ZC3H4: variants seen among roughly 807,000 people sequenced by gnomAD.
The protein encoded by ZC3H4 is zinc finger CCCH domain-containing protein 4.
A neutral mutation model predicts 108.3 loss-of-function variants in ZC3H4; 13 were observed. That is an observed-to-expected ratio of 0.12 (90% CI 0.08 to 0.19). The LOEUF (loss-of-function observed/expected upper bound fraction) is 0.19. ZC3H4 is among the 10% of genes least tolerant of loss of function. The pLI is 1.00. For missense variants in ZC3H4, 1,734 were observed against 1,838.8 expected (o/e 0.94, Z 1.04); for synonymous variants, 917 against 749.6 (o/e 1.22, Z -3.65).
chr19:47,086,611 T>C (rs979263197), intron 5 of ZC3H4, 73 bp from the exon 6 acceptor site: 3 of 1,489,626 alleles, frequency 2.0e-6, no homozygotes, highest in Non-Finnish European at 2.7e-6. Context: ...CAACCCACAT[T>C]TTGCTCCTGA....
rs893858343 is a variant in ZC3H4 at position 47,078,536 on chromosome 19, A to G, written c.1440+2977T>C. On this transcript the variant is annotated intron_variant, in intron 11 of 14. Coordinates refer to ENST00000253048, the MANE Select transcript of ZC3H4 (RefSeq NM_015168.2). ...ATTGGTGCACACCTGTAACCCCAGCACTTTGGGAGGCCGGGGCGGGTGGAT... is the reference window on the plus strand; with the variant it reads ...ATTGGTGCACACCTGTAACCCCAGCGCTTTGGGAGGCCGGGGCGGGTGGAT... 1.6e-4 allele frequency among the ~76,000 whole-genome samples: 25 copies of G among 152,012 alleles called. No individual in the cohort carries two copies. In the East Asian group the frequency reaches 3.7e-3, roughly 22 times the overall value.
At chr19:47,076,699 CAAAA>C (rs913648069) in intron 11 of ZC3H4, among the ~76,000 whole-genome samples, 12 of 151,410 alleles carry the variant, frequency 7.9e-5, no homozygotes, top group African/African-American at 2.9e-4. Context: ...ACTAAAAATA[CAAAA>C]ATATTAGCTG....
At position 47,094,393 on chromosome 19, in the gene ZC3H4, T is replaced by G; in HGVS notation, c.377A>C (p.His126Pro). The G allele has an allele frequency of 1.9e-6, 3 of 1,614,050 alleles. No individual in the cohort carries two copies. The highest frequency in any genetic ancestry group is 2.5e-6 in the Non-Finnish European group (3 of 1,180,022). ...CCCAGGGGATCTCCGACCTACTTTG[T>G]GCTTGGATTTCCTCCTCTTCTTCGA... The part of the protein sequence containing the change: ...RRSKKRRKSK[H>P]KRHASSSDDF... The change falls in exon 3 of 15, where the codon CAC (histidine) becomes CCC (proline). Residue 126 changes from histidine (H) to proline (P), a missense_variant. His to Pro is a moderately conservative substitution (Grantham distance 77). Coordinates refer to ENST00000253048, the MANE Select transcript of ZC3H4 (RefSeq NM_015168.2).
In ZC3H4 at chr19:47,064,271, G is replaced by A. The variant is rs1251398465; in HGVS notation, c.*2085C>T. ...AGGAGAAAGGCAGGTGACGTTTCTG[G>A]AAGACAGATATGGAGTATAAAAAGG... On this transcript the variant is annotated 3_prime_UTR_variant, in exon 15 of 15. Coordinates refer to ENST00000253048, the MANE Select transcript of ZC3H4 (RefSeq NM_015168.2). 6.6e-6 allele frequency: 1 copy of A among 152,576 alleles called. No homozygotes were observed. The allele number at this position is 152,576 out of a possible 1,614,324, so 9.5% of individuals were successfully genotyped here.
chr19:47,109,279 TTG>T (rs2058006265), intron 2 of ZC3H4, among the ~76,000 whole-genome samples: 1 of 152,202 alleles, frequency 6.6e-6, no homozygotes, highest in Admixed American at 6.5e-5. Context: ...CAATAAACCG[TTG>T]TGTTGACATG....
rs545526459 is a variant in ZC3H4 at position 47,104,995 on chromosome 19, AG to A, written c.161+7428del. ...TGAATGAAAATCCCTTCCATTTAAG[AG>A]GGTTTAAAAGCCTAGGCTTGGGCCT... On this transcript the variant is annotated intron_variant, in intron 2 of 14. Coordinates refer to ENST00000253048, the MANE Select transcript of ZC3H4 (RefSeq NM_015168.2). Among the ~76,000 whole-genome samples, 67 of 151,980 alleles carry A rather than the reference AG, an allele frequency of 4.4e-4. 1 individual carries two copies. Among genetic ancestry groups the A allele is most frequent in the Non-Finnish European group, 8.2e-4 (56 of 67,998 alleles).
At position 47,093,958 on chromosome 19, in the gene ZC3H4, CCAGT is replaced by C; in HGVS notation, c.492+8_492+11del. The C allele has an allele frequency of 1.2e-6, 2 of 1,609,732 alleles. No homozygotes were observed. The highest frequency in any genetic ancestry group is 2.7e-5 in the African/African-American group (2 of 74,976). On this transcript the variant is annotated splice_region_variant and intron_variant, in intron 4 of 14. Transcript: ENST00000253048. ...CGGCCCCAGAGCTCAGCAGTGCATG[CCAGT>C]CACTCACCGGCGCATATGGGGGGCT...
At position 47,090,028 on chromosome 19, in the gene ZC3H4, G is replaced by A. The variant is rs573030289; in HGVS notation, c.654C>T (p.Asp218=). ...EEEDMGKEDY[D]DFTKELNQYR... Reference sequence around the variant, plus strand: ...ACTGGTTCAGCTCTTTGGTGAAGTCGTCATAGTCCTCCTTGCCCATGTCCT... The same window carrying A: ...ACTGGTTCAGCTCTTTGGTGAAGTCATCATAGTCCTCCTTGCCCATGTCCT... Residue 218 remains aspartate, a synonymous_variant, in exon 5 of 15, where the codon GAC becomes GAT. Transcript: ENST00000253048. 7.7e-5 allele frequency: 125 copies of A among 1,614,188 alleles called. No individual in the cohort carries two copies. The South Asian group carries it at 1.1e-3, about 14-fold the overall frequency.
At chr19:47,103,780 A>C (rs1329762342) in intron 2 of ZC3H4, among the ~76,000 whole-genome samples, 2 of 151,084 alleles carry the variant, frequency 1.3e-5, no homozygotes, top group East Asian at 1.9e-4. Flanking sequence ...AAAAAAAAAA[A>C]AAACTACAAA....
rs142251542 is a variant in ZC3H4, at chr19:47,098,486, C to CAA, written c.162-3880_162-3879dup. Among the ~76,000 whole-genome samples, 773 of 100,006 alleles carry CAA rather than the reference C, an allele frequency of 7.7e-3. 8 individuals carry two copies. Among genetic ancestry groups the CAA allele is most frequent in the East Asian group, 0.015 (46 of 3,060 alleles). The allele number at this position is 100,006 out of a possible 152,430, so 65.6% of individuals were successfully genotyped here. A position where few individuals can be genotyped will look rare whatever the true frequency, so the allele number is the denominator to read the frequency against. The stretch of plus-strand genomic sequence containing the variant: ...TGCGAGACAGAGTGAAACTGTGTCT[C>CAA]AAAAAAAAAAAAAAAAAAACTAATC... On this transcript the variant is annotated intron_variant, in intron 2 of 14. Transcript: ENST00000253048.
intron 7 of ZC3H4, 45 bp downstream of exon 7, chr19:47,085,273 G>C: frequency 6.4e-7 from 1 of 1,565,670 alleles, no homozygotes; most frequent in East Asian, 2.3e-5. Context: ...GCAGCTGCTG[G>C]AATCCCTGCC....
At chr19:47,090,499 G>T (rs1364153809) in intron 4 of ZC3H4, among the ~76,000 whole-genome samples, 2 of 152,160 alleles carry the variant, frequency 1.3e-5, no homozygotes, top group Non-Finnish European at 2.9e-5. Context: ...CAGAGCAAGC[G>T]CACGTGGAGG....
At position 47,066,803 on chromosome 19, in the gene ZC3H4, G is replaced by A. The variant is rs375922525; in HGVS notation, c.3465C>T (p.Asn1155=). ...CCGGCTCTGTGGCTTTGCCCCCCGC[G>A]TTGGGAGTCCTCGGGTCGTAGAGGC... ...GISLYDPRTP[N]AGGKATEPAA... Residue 1155 remains asparagine (N), a synonymous_variant, in exon 15 of 15, where the codon AAC becomes AAT. Coordinates refer to ENST00000253048, the MANE Select transcript of ZC3H4 (RefSeq NM_015168.2). 121 of 1,600,686 alleles carry A rather than the reference G, an allele frequency of 7.6e-5. No individual in the cohort carries two copies. The highest frequency in any genetic ancestry group is 3.3e-4 in the Middle Eastern group (2 of 6,052).
In ZC3H4 at chr19:47,086,518, C is replaced by T. The variant is rs1489369330; in HGVS notation, c.736G>A (p.Gly246Ser). ...RGRGSRGRGR[G>S]YRGRGSRGGS... is the part of the protein sequence containing the mutation. ...CCACGGCTTCCTCGGCCCCTGTAGC[C>T]CCGGCCCCGGCCTCGGCTGCCTGCA... is the stretch of plus-strand genomic sequence containing the variant. The change falls in exon 6 of 15, where the codon GGC (glycine) becomes AGC (serine). Residue 246 changes from glycine (G) to serine (S), a missense_variant. Physicochemically the swap from Gly to Ser is moderately conservative, Grantham distance 56. Transcript: ENST00000253048. The T allele has an allele frequency of 1.9e-6, 3 of 1,595,654 alleles. No individual in the cohort carries two copies. The highest frequency in any genetic ancestry group is 4.5e-5 in the East Asian group (2 of 44,228).
In ZC3H4 at chr19:47,067,100, G is replaced by A. The variant is rs374054090; in HGVS notation, c.3168C>T (p.Thr1056=). The change falls in exon 15 of 15, where the codon ACC becomes ACT. Residue 1056 remains threonine, a synonymous_variant. Coordinates refer to ENST00000253048, the MANE Select transcript of ZC3H4 (RefSeq NM_015168.2). The surrounding 1 kb of genome is among the most constrained non-coding windows in gnomAD (Gnocchi z 6.4). ...TGGAACCGGGGGCGGCCGAGGAGCC[G>A]GTGGCATTGACTGTCTTGAGGATGC... ...LSRILKTVNA[T]GSSAAPGSSD... 2.3e-4 allele frequency: 372 copies of A among 1,611,524 alleles called. No individual in the cohort carries two copies. The highest frequency in any genetic ancestry group is 2.8e-4 in the Non-Finnish European group (325 of 1,178,778).
intron 13 of ZC3H4, among the ~76,000 whole-genome samples, 181 bp from the exon 14 acceptor site, chr19:47,069,524 T>C (rs1410426604): frequency 1.3e-5 from 2 of 152,160 alleles, no homozygotes; most frequent in Non-Finnish European, 2.9e-5. Context: ...CCCGCCTACA[T>C]GAAGAATGAG....
chr19:47,081,187 G>C (rs1282572025), intron 11 of ZC3H4, among the ~76,000 whole-genome samples: 2 of 152,190 alleles, frequency 1.3e-5, no homozygotes, highest in African/African-American at 2.4e-5. Context: ...GGTGATTCGT[G>C]TATCTTTGTG....
rs766449733 is a variant in ZC3H4, at chr19:47,067,275, A to G, written c.2993T>C (p.Val998Ala). 2 of 1,588,812 alleles carry G rather than the reference A, an allele frequency of 1.3e-6. No individual in the cohort carries two copies. The change falls in exon 15 of 15, where the codon GTG becomes GCG. Residue 998 changes from valine to alanine, a missense_variant. By Grantham distance (64) the Val-to-Ala change is moderately conservative (BLOSUM62 0). This residue lies in a region of ZC3H4 where 518 missense variants were observed against 499.6 expected (regional missense o/e 1.04). Coordinates refer to ENST00000253048, the MANE Select transcript of ZC3H4 (RefSeq NM_015168.2). This position sits in a 1 kb window ranked among gnomAD's most constrained non-coding sequence, Gnocchi z 6.4. ...GGGCATGGATTGCAGGGCCGCGGGC[A>G]CGGGGGGCACTGCGTCCTGCTTGGG... ...PIPKQDAVPP[V>A]PAALQSMPTL...
rs375442397 is a variant in ZC3H4, at chr19:47,067,588, G to C, written c.2680C>G (p.Arg894Gly). 2 of 1,604,322 alleles carry C rather than the reference G, an allele frequency of 1.2e-6. No individual in the cohort carries two copies. The highest frequency in any genetic ancestry group is 1.1e-5 in the South Asian group (1 of 90,078). ...DSGPSDPRLA[R>G]ALPTSKPEGS... ...TCGGGCTTGGAGGTGGGCAGGGCGC[G>C]AGCCAGCCGAGGATCGGAGGGTCCC... Residue 894 changes from arginine (R) to glycine (G), a missense_variant, in exon 15 of 15, where the codon CGC (arginine) becomes GGC (glycine). Around this residue, in one of 9 missense-constraint regions of ZC3H4, gnomAD observed 540 missense variants for 484.1 expected, o/e 1.12. Coordinates refer to ENST00000253048, the MANE Select transcript of ZC3H4 (RefSeq NM_015168.2). This position sits in a 1 kb window ranked among gnomAD's most constrained non-coding sequence, Gnocchi z 6.4.
Sources: gnomAD v4.1 joint callset for allele counts (sites outside exome capture counted in the v4.1 genomes callset) on GRCh38, gnomAD v4.1.1 for gene constraint, gnomAD v4.1.1 regional missense constraint, Gnocchi (gnomAD v3.1) non-coding constraint, MANE v1.5 for transcripts, NCBI Gene and HGNC (gene_info 2026-07-23, HGNC 2026-07-21) for gene names.